STEAP1B: variants seen among roughly 807,000 people sequenced by gnomAD.
The protein encoded by STEAP1B is STEAP family member 1B.
A neutral mutation model predicts 27.9 loss-of-function variants in STEAP1B; 13 were observed. The observed-to-expected ratio is 0.47, with a 90% confidence interval of 0.30 to 0.74. The LOEUF (loss-of-function observed/expected upper bound fraction) is 0.74. Ranked by LOEUF, STEAP1B falls within the 30% of genes least tolerant of loss-of-function variation. The probability of loss-of-function intolerance (pLI) is 0.06; values close to 1 mark genes in which losing one functional copy is unlikely to be tolerated. For missense variants in STEAP1B, 250 were observed against 298.7 expected, an observed-to-expected ratio of 0.84 and a Z score of 1.20; for synonymous variants, 86 against 107.1, an observed-to-expected ratio of 0.80 and a Z score of 1.22.
At chr7:22,434,378 T>A (rs542431790) in intron 4 of STEAP1B, among the ~76,000 whole-genome samples, 171 of 152,314 alleles carry the variant, frequency 1.1e-3, no homozygotes, top group African/African-American at 4.0e-3. Context: ...ACTCTGCTGA[T>A]CCCACATGGG....
At chr7:22,479,844 C>T (rs934814289) in intron 4 of STEAP1B, among the ~76,000 whole-genome samples, 1 of 152,188 alleles carries the variant, frequency 6.6e-6, no homozygotes, top group African/African-American at 2.4e-5. Context: ...ACCGGCGACG[C>T]CCAGCCGATT....
chr7:22,420,088 C>T (rs1451812113), intron 4 of STEAP1B, among the ~76,000 whole-genome samples: 3 of 152,044 alleles, frequency 2.0e-5, no homozygotes, highest in Non-Finnish European at 2.9e-5. Flanking sequence ...AGAGTCCCAC[C>T]CCATTACTAT....
At chr7:22,435,457 G>A (rs1583630452) in intron 4 of STEAP1B, among the ~76,000 whole-genome samples, 1 of 152,024 alleles carries the variant, frequency 6.6e-6, no homozygotes, top group Non-Finnish European at 1.5e-5. Flanking sequence ...TGAGATTTTA[G>A]AAAAATAAGT....
intron 4 of STEAP1B, among the ~76,000 whole-genome samples, chr7:22,430,333 C>A (rs752079998): frequency 2.0e-5 from 3 of 152,136 alleles, no homozygotes; most frequent in Non-Finnish European, 4.4e-5. Flanking sequence ...TTGTACCAGA[C>A]ATATATGAAG....
At chr7:22,476,626 C>G (rs913985197) in intron 4 of STEAP1B, among the ~76,000 whole-genome samples, 1 of 152,212 alleles carries the variant, frequency 6.6e-6, no homozygotes, top group Non-Finnish European at 1.5e-5. Context: ...GTTGGCCACT[C>G]TGGATTCCTT....
At chr7:22,425,305 A>C (rs1172032520) in intron 4 of STEAP1B, among the ~76,000 whole-genome samples, 1 of 152,228 alleles carries the variant, frequency 6.6e-6, no homozygotes, top group East Asian at 1.9e-4. Flanking sequence ...GCAGTAAGTT[A>C]TTTTGCAAGA....
Position 22,419,700 on chromosome 7 carries a change from T to C in STEAP1B, c.*104A>G, listed in dbSNP as rs1302946081. On this transcript the variant is annotated 3_prime_UTR_variant, in exon 5 of 5. Transcript: ENST00000678116. Reference sequence around the variant, plus strand: ...CCGTCACCTGCAGCATGGCTGTTCATTGTGGCAGAGGGAAAGGGCACTGGG... The same window carrying C: ...CCGTCACCTGCAGCATGGCTGTTCACTGTGGCAGAGGGAAAGGGCACTGGG... 9.8e-6 allele frequency: 13 copies of C among 1,326,832 alleles called. No homozygotes were observed. The highest frequency in any genetic ancestry group is 1.9e-4 in the Middle Eastern group (1 of 5,300). 82.2% of individuals were successfully genotyped at this position (1,326,832 alleles called of 1,614,324 possible).
intron 4 of STEAP1B, among the ~76,000 whole-genome samples, chr7:22,472,930 G>A (rs2128411272): frequency 6.6e-6 from 1 of 152,276 alleles, no homozygotes; most frequent in Non-Finnish European, 1.5e-5. Flanking sequence ...ATAAAATGGA[G>A]AGGATGATGA....
chr7:22,488,076 G>A (rs770430792), intron 4 of STEAP1B, among the ~76,000 whole-genome samples: 74 of 152,092 alleles, frequency 4.9e-4, no homozygotes, highest in Non-Finnish European at 9.1e-4. Context: ...TGCTGTGGCT[G>A]CACATACCTC....
intron 1 of STEAP1B, among the ~76,000 whole-genome samples, chr7:22,498,772 G>T (rs1022457143): frequency 2.0e-5 from 3 of 152,166 alleles, no homozygotes; most frequent in African/African-American, 7.2e-5. Context: ...TCCTGGGGTA[G>T]CTAGCAGGTT....
At chr7:22,424,568 T>A (rs1045836236) in intron 4 of STEAP1B, among the ~76,000 whole-genome samples, 1 of 152,152 alleles carries the variant, frequency 6.6e-6, no homozygotes, top group African/African-American at 2.4e-5. Flanking sequence ...AAGGAGGACA[T>A]CATTTTAGAA....
At chr7:22,487,571 C>CA (rs68062162) in intron 4 of STEAP1B, among the ~76,000 whole-genome samples, 1 of 147,804 alleles carries the variant, frequency 6.8e-6, no homozygotes, top group Admixed American at 6.7e-5. Context: ...ATGGCGGGGG[C>CA]GGGGGGGTGC....
chr7:22,497,015 A>G (rs1180968004), intron 1 of STEAP1B, among the ~76,000 whole-genome samples: 1 of 152,154 alleles, frequency 6.6e-6, no homozygotes, highest in Non-Finnish European at 1.5e-5. Context: ...TTCTTTTCTG[A>G]TTTAAAACAT....
chr7:22,492,349 G>A (rs13242706), intron 4 of STEAP1B: 84,501 of 182,594 alleles, frequency 0.46, 21,650 homozygotes, highest in African/African-American at 0.56. Context: ...AAAAAAAAAG[G>A]ATATTTTAAT....
chr7:22,465,245 A>G (rs1023881396), intron 4 of STEAP1B, among the ~76,000 whole-genome samples: 3 of 151,856 alleles, frequency 2.0e-5, no homozygotes, highest in South Asian at 4.2e-4. Context: ...ATGGCCCCCA[A>G]TGTAAAACTT....
intron 1 of STEAP1B, among the ~76,000 whole-genome samples, chr7:22,496,236 CAA>C (rs1786437620): frequency 6.6e-6 from 1 of 151,696 alleles, no homozygotes; most frequent in Non-Finnish European, 1.5e-5. Flanking sequence ...AGTATATAAA[CAA>C]AGAAAATATT....
chr7:22,470,164 C>T (rs560238596), intron 4 of STEAP1B, among the ~76,000 whole-genome samples: 1 of 152,176 alleles, frequency 6.6e-6, no homozygotes, highest in East Asian at 1.9e-4. Flanking sequence ...AATTCTAGGG[C>T]TGGGGCAGAG....
intron 4 of STEAP1B, among the ~76,000 whole-genome samples, chr7:22,441,535 T>C (rs779547781): frequency 6.6e-6 from 1 of 152,236 alleles, no homozygotes; most frequent in Non-Finnish European, 1.5e-5. Context: ...AGTTTGCTCA[T>C]TTCTGTTTGC....
At chr7:22,475,956 A>C (rs1486297740) in intron 4 of STEAP1B, among the ~76,000 whole-genome samples, 1 of 152,094 alleles carries the variant, frequency 6.6e-6, no homozygotes, top group Non-Finnish European at 1.5e-5. Flanking sequence ...TGCCCACTGT[A>C]TGTAAGCCCT....
Sources: allele counts gnomAD v4.1 joint callset (sites outside exome capture counted in the v4.1 genomes callset), GRCh38; gene constraint gnomAD v4.1.1; transcripts MANE v1.5; gene names NCBI Gene and HGNC (gene_info 2026-07-23, HGNC 2026-07-21).